The following SORCS2 variants were observed in gnomAD, a reference collection of about 807,000 sequenced individuals.
SORCS2 encodes sortilin related VPS10 domain containing receptor 2.
In SORCS2, 100 loss-of-function variants were observed where a neutral mutation model predicts 141.6. The ratio of observed to expected loss-of-function variants is 0.71; its 90% CI spans 0.60 to 0.83. The LOEUF (loss-of-function observed/expected upper bound fraction) is 0.83. Ranked by LOEUF, SORCS2 falls within the 40% of genes least tolerant of loss-of-function variation. The pLI is 0.00. For synonymous variants in SORCS2, 789 were observed against 676.9 expected (o/e 1.17, Z -2.57); for missense variants, 1,646 against 1,560.2 (o/e 1.05, Z -0.93).
chr4:7,198,915 G>C (rs189215797), intron 1 of SORCS2, among the ~76,000 whole-genome samples: 45 of 152,296 alleles, frequency 3.0e-4, no homozygotes, highest in African/African-American at 9.6e-4. Context: ...CCTTGCCCCA[G>C]TCACTCGACA....
At chr4:7,572,292 CAT>C (rs200688786) in intron 3 of SORCS2, among the ~76,000 whole-genome samples, 408 of 151,964 alleles carry the variant, frequency 2.7e-3, no homozygotes, top group African/African-American at 9.1e-3. Context: ...TCTTTATTTA[CAT>C]ATATATATAT....
intron 1 of SORCS2, among the ~76,000 whole-genome samples, chr4:7,218,298 G>A (rs980959139): frequency 1.3e-5 from 2 of 152,096 alleles, no homozygotes; most frequent in South Asian, 4.1e-4. Flanking sequence ...GATTCTAATC[G>A]CCTTCTTCTC....
intron 1 of SORCS2, among the ~76,000 whole-genome samples, chr4:7,279,882 T>C (rs1279114816): frequency 8.2e-6 from 1 of 121,926 alleles, no homozygotes; most frequent in Admixed American, 1.1e-4. Context: ...ATTAATCCAC[T>C]GTGTTACATT....
At chr4:7,732,591 G>A (rs543168998) in intron 23 of SORCS2, among the ~76,000 whole-genome samples, 2 of 152,044 alleles carry the variant, frequency 1.3e-5, no homozygotes, top group African/African-American at 2.4e-5. Context: ...CCCTCCCTCA[G>A]GTAGGGGGTC....
At chr4:7,357,739 A>T (rs1468005139) in intron 1 of SORCS2, among the ~76,000 whole-genome samples, 1 of 151,750 alleles carries the variant, frequency 6.6e-6, no homozygotes, top group Non-Finnish European at 1.5e-5. Flanking sequence ...ACACTCACCC[A>T]CTCGGGGCCT....
intron 3 of SORCS2, among the ~76,000 whole-genome samples, chr4:7,591,172 C>G (rs1033660154): frequency 1.3e-5 from 2 of 152,202 alleles, no homozygotes; most frequent in Non-Finnish European, 2.9e-5. Flanking sequence ...CCTTCTTCCA[C>G]TTCCTCTTCC....
chr4:7,723,660 GC>G, intron 18 of SORCS2, 36 bp from the exon 19 acceptor site: 1 of 1,609,324 alleles, frequency 6.2e-7, no homozygotes, highest in Non-Finnish European at 8.5e-7. Context: ...CAGCTTCAAG[GC>G]CCACTCCTGA....
At position 7,460,879 on chromosome 4, in the gene SORCS2, A is replaced by G. The variant is rs145644617; in HGVS notation, c.548+64524A>G. On this transcript the variant is annotated intron_variant, in intron 2 of 26. Transcript: ENST00000507866. Reference sequence around the variant, plus strand: ...CTGAAGCCTGGGCCGTGCATCGGCTACACACGGCCAAGCTCGCAGCTTGAA... The same window carrying G: ...CTGAAGCCTGGGCCGTGCATCGGCTGCACACGGCCAAGCTCGCAGCTTGAA... Among the ~76,000 whole-genome samples, 10 of 152,284 alleles carry G rather than the reference A, an allele frequency of 6.6e-5. No homozygotes were observed. In the East Asian group the frequency reaches 1.9e-3, roughly 29 times the overall value.
At chr4:7,383,699 G>A (rs1197524578) in intron 1 of SORCS2, among the ~76,000 whole-genome samples, 1 of 152,108 alleles carries the variant, frequency 6.6e-6, no homozygotes, top group Non-Finnish European at 1.5e-5. Context: ...AACCCTTCCA[G>A]GTAGAAGCAC....
intron 1 of SORCS2, among the ~76,000 whole-genome samples, chr4:7,215,353 A>G (rs1300818847): frequency 1.3e-5 from 2 of 152,190 alleles, no homozygotes; most frequent in Non-Finnish European, 2.9e-5. Context: ...ACCGGGCCTT[A>G]GCTGCCTTTC....
At chr4:7,421,905 AGGGGCTGGGGC>A (rs909853498) in intron 2 of SORCS2, among the ~76,000 whole-genome samples, 2 of 91,838 alleles carry the variant, frequency 2.2e-5, no homozygotes, top group Non-Finnish European at 4.9e-5. Flanking sequence ...GAGGGAGGGC[AGGGGCTGGGGC>A]GGGGCTGGGC....
At chr4:7,711,453 A>G (rs1725822749) in intron 14 of SORCS2, among the ~76,000 whole-genome samples, 1 of 152,176 alleles carries the variant, frequency 6.6e-6, no homozygotes, top group African/African-American at 2.4e-5. Context: ...AGCAGCGTGC[A>G]TCACCTCCCC....
chr4:7,395,953 C>G (rs1724183030), intron 1 of SORCS2, among the ~76,000 whole-genome samples: 1 of 152,232 alleles, frequency 6.6e-6, no homozygotes, highest in African/African-American at 2.4e-5. Flanking sequence ...GGACCACTGC[C>G]CTGGCACTCC....
intron 2 of SORCS2, among the ~76,000 whole-genome samples, chr4:7,405,488 G>A (rs1724909737): frequency 6.6e-6 from 1 of 152,114 alleles, no homozygotes; most frequent in African/African-American, 2.4e-5. Context: ...CCATGAGTAT[G>A]AAATGTTTTT....
chr4:7,327,823 C>G (rs529483275), intron 1 of SORCS2, among the ~76,000 whole-genome samples: 1 of 152,094 alleles, frequency 6.6e-6, no homozygotes, highest in Non-Finnish European at 1.5e-5. Context: ...ACCCCGCCCC[C>G]GGCAACGTTG....
At chr4:7,449,996 A>G (rs1728336805) in intron 2 of SORCS2, among the ~76,000 whole-genome samples, 1 of 152,176 alleles carries the variant, frequency 6.6e-6, no homozygotes, top group African/African-American at 2.4e-5. Context: ...AACCTGAAGA[A>G]TGGGGCCCCT....
At chr4:7,671,540 T>C (rs564280620) in intron 8 of SORCS2, among the ~76,000 whole-genome samples, 1 of 151,894 alleles carries the variant, frequency 6.6e-6, no homozygotes, top group Non-Finnish European at 1.5e-5. Flanking sequence ...CCAAAAGAAA[T>C]TCTGGAGCTA....
At chr4:7,591,987 C>T (rs1032837629) in intron 3 of SORCS2, among the ~76,000 whole-genome samples, 1 of 151,844 alleles carries the variant, frequency 6.6e-6, no homozygotes, top group Non-Finnish European at 1.5e-5. Context: ...CAGCAGGTTG[C>T]AGATGAGAAA....
At chr4:7,506,675 G>A (rs1732295857) in intron 2 of SORCS2, among the ~76,000 whole-genome samples, 1 of 152,218 alleles carries the variant, frequency 6.6e-6, no homozygotes, top group South Asian at 2.1e-4. Context: ...AACTGGTAGG[G>A]CTGTGGGGAG....
Sources: gnomAD v4.1 joint callset for allele counts (sites outside exome capture counted in the v4.1 genomes callset) on GRCh38, gnomAD v4.1.1 for gene constraint, MANE v1.5 for transcripts, NCBI Gene and HGNC (gene_info 2026-07-23, HGNC 2026-07-21) for gene names.